KANSL1L: variants seen among roughly 807,000 people sequenced by gnomAD.
KANSL1L encodes KAT8 regulatory NSL complex subunit 1 like.
KANSL1L carries 25 observed loss-of-function variants against 108.6 expected under a neutral mutation model. The ratio of observed to expected loss-of-function variants is 0.23; its 90% CI spans 0.17 to 0.32. The LOEUF is 0.32. Ranked by LOEUF, KANSL1L falls within the 10% of genes least tolerant of loss-of-function variation. The pLI is 1.00. For missense variants in KANSL1L, 1,137 were observed against 1,125.7 expected (o/e 1.01, Z -0.14); for synonymous variants, 405 against 395.1 (o/e 1.03, Z -0.30).
intron 8 of KANSL1L, among the ~76,000 whole-genome samples, chr2:210,037,014 C>T (rs373413246): frequency 3.3e-5 from 5 of 152,278 alleles, no homozygotes; most frequent in African/African-American, 1.2e-4. Context: ...CCTCAGCCTC[C>T]CTAAGTGCTG....
intron 6 of KANSL1L, among the ~76,000 whole-genome samples, chr2:210,045,628 G>A (rs879349341): frequency 6.6e-5 from 10 of 152,062 alleles, no homozygotes; most frequent in Admixed American, 6.6e-4. Context: ...TACTATCATA[G>A]TGTAGGTTTG....
At chr2:210,046,946 C>T (rs1484280067) in intron 6 of KANSL1L, among the ~76,000 whole-genome samples, 1 of 152,170 alleles carries the variant, frequency 6.6e-6, no homozygotes, top group African/African-American at 2.4e-5. Context: ...GGAGCAGAAC[C>T]CATAATGTAC....
upstream of KANSL1L, chr2:210,171,541 G>A (rs1301805169): frequency 6.5e-6 from 1 of 152,850 alleles, no homozygotes; most frequent in Non-Finnish European, 1.5e-5. Flanking sequence ...TGTTCTGGAA[G>A]TGGCAGGAGC....
intron 6 of KANSL1L, among the ~76,000 whole-genome samples, chr2:210,068,062 G>A (rs182123089): frequency 1.9e-4 from 29 of 152,076 alleles, no homozygotes; most frequent in African/African-American, 5.8e-4. Flanking sequence ...ATTTTTAGTA[G>A]AGATGAGGTT....
At chr2:210,095,088 C>G (rs1342555668) in intron 5 of KANSL1L, among the ~76,000 whole-genome samples, 1 of 152,052 alleles carries the variant, frequency 6.6e-6, no homozygotes, top group East Asian at 1.9e-4. Context: ...ATATCTTAAT[C>G]TATTTCATGC....
intron 2 of KANSL1L, among the ~76,000 whole-genome samples, chr2:210,131,477 T>C (rs1054806289): frequency 6.6e-6 from 1 of 152,134 alleles, no homozygotes; most frequent in African/African-American, 2.4e-5. Flanking sequence ...GGTTTGGCTA[T>C]AATATTGATG....
chr2:210,064,264 T>G (rs2094446585), intron 6 of KANSL1L: 1 of 152,208 alleles, frequency 6.6e-6, no homozygotes, highest in South Asian at 2.1e-4. Flanking sequence ...AGGTATGTCT[T>G]TATCAGCAGC....
At chr2:210,106,990 A>C (rs1391528806) in intron 3 of KANSL1L, among the ~76,000 whole-genome samples, 2 of 152,126 alleles carry the variant, frequency 1.3e-5, no homozygotes, top group Admixed American at 6.6e-5. Flanking sequence ...AATTAGTAAA[A>C]GGATATTCTG....
In KANSL1L at chr2:210,153,643, C is replaced by A; in HGVS notation, c.940G>T (p.Ala314Ser). ...TGGATTTCCGCAGCTGTACACCGTG[C>A]AAAGCCATTTTTTGCATCATCCCAC... is the stretch of plus-strand genomic sequence containing the variant. ...KLWDDAKNGFARCTAAEIQRF... is the reference protein window; with the variant it reads ...KLWDDAKNGFSRCTAAEIQRF... The change falls in exon 2 of 15, where the codon GCA (alanine) becomes TCA (serine). Residue 314 changes from alanine to serine, a missense_variant. By Grantham distance (99) the Ala-to-Ser change is moderately conservative (BLOSUM62 1). Coordinates refer to ENST00000281772, the MANE Select transcript of KANSL1L (RefSeq NM_152519.4). 6.2e-7 allele frequency: 1 copy of A among 1,611,216 alleles called. No individual in the cohort carries two copies. The highest frequency in any genetic ancestry group is 8.5e-7 in the Non-Finnish European group (1 of 1,178,996).
Position 210,044,144 on chromosome 2 carries a change from A to T in KANSL1L, c.1756-40T>A. The T allele has an allele frequency of 7.1e-7, 1 of 1,403,872 alleles. No homozygotes were observed. The highest frequency in any genetic ancestry group is 9.6e-7 in the Non-Finnish European group (1 of 1,045,440). 87.0% of individuals were successfully genotyped at this position (1,403,872 alleles called of 1,614,324 possible). ...CGTATTAGAATATCACAGCCAAAGC[A>T]TCCATAAATGGCATATCTCTACATT... On this transcript the variant is annotated intron_variant, in intron 6 of 14. Coordinates refer to ENST00000281772, the MANE Select transcript of KANSL1L (RefSeq NM_152519.4). This position sits in a 1 kb window ranked among gnomAD's most constrained non-coding sequence, Gnocchi z 4.2.
chr2:210,130,830 G>A (rs1300095472), intron 2 of KANSL1L, among the ~76,000 whole-genome samples: 4 of 132,884 alleles, frequency 3.0e-5, no homozygotes, highest in Non-Finnish European at 3.1e-5. Flanking sequence ...GAAACTACTG[G>A]CAAGGTGGTA....
At chr2:210,134,327 A>G (rs191653087) in intron 2 of KANSL1L, among the ~76,000 whole-genome samples, 2 of 152,252 alleles carry the variant, frequency 1.3e-5, no homozygotes, top group Non-Finnish European at 2.9e-5. Context: ...GCTCTTTGCC[A>G]ACTACTTTCA....
intron 3 of KANSL1L, among the ~76,000 whole-genome samples, chr2:210,109,042 G>C (rs1366118737): frequency 6.6e-6 from 1 of 151,714 alleles, no homozygotes; most frequent in Non-Finnish European, 1.5e-5. Context: ...TAGTTCCATT[G>C]GTTCATCAAA....
chr2:210,143,613 T>A (rs971058095), intron 2 of KANSL1L, among the ~76,000 whole-genome samples: 3 of 152,136 alleles, frequency 2.0e-5, no homozygotes, highest in Non-Finnish European at 4.4e-5. Context: ...TTTCTCTTCA[T>A]CTTTTGTATA....
rs143141972 is a variant in KANSL1L at position 210,092,162 on chromosome 2, T to G, written c.1550+5924A>C. On this transcript the variant is annotated intron_variant, in intron 5 of 14. Transcript: ENST00000281772. ...GTAGATTTCTTTTTAGTTGTCCTGA[T>G]CCAAAATCTGTGTTTGGCTTCCTGA... Among the ~76,000 whole-genome samples the G allele has an allele frequency of 3.9e-5, 6 of 152,304 alleles. No individual in the cohort carries two copies. In the East Asian group the frequency reaches 1.2e-3, roughly 29 times the overall value.
intron 1 of KANSL1L, among the ~76,000 whole-genome samples, chr2:210,165,347 G>A (rs535220687): frequency 6.6e-6 from 1 of 151,692 alleles, no homozygotes; most frequent in African/African-American, 2.4e-5. Context: ...GTGTATCTCC[G>A]GTTTTTTTAA....
At chr2:210,061,229 T>C (rs916326470) in intron 6 of KANSL1L, among the ~76,000 whole-genome samples, 2 of 152,200 alleles carry the variant, frequency 1.3e-5, no homozygotes, top group Non-Finnish European at 2.9e-5. Flanking sequence ...ATATAAACAA[T>C]TTGTATGTCC....
At chr2:210,090,374 T>C (rs1486212075) in intron 5 of KANSL1L, among the ~76,000 whole-genome samples, 2 of 152,200 alleles carry the variant, frequency 1.3e-5, no homozygotes, top group African/African-American at 4.8e-5. Context: ...AATATTATTG[T>C]AGAACTTGGA....
chr2:210,076,853 AC>A (rs1420579228), intron 5 of KANSL1L, among the ~76,000 whole-genome samples: 2 of 152,028 alleles, frequency 1.3e-5, no homozygotes, highest in Non-Finnish European at 2.9e-5. Context: ...AGTTATGTAG[AC>A]AAAAGCTAGT....
Sources: allele counts gnomAD v4.1 joint callset (sites outside exome capture counted in the v4.1 genomes callset), GRCh38; gene constraint gnomAD v4.1.1; non-coding constraint Gnocchi (gnomAD v3.1); transcripts MANE v1.5; gene names NCBI Gene and HGNC (gene_info 2026-07-23, HGNC 2026-07-21).